NRG1: variants seen among roughly 807,000 people sequenced by gnomAD.
NRG1 encodes neuregulin 1, also known as pro-neuregulin-1, membrane-bound isoform.
Under a neutral mutation model 63.8 loss-of-function variants are expected in NRG1, and 18 were observed. The observed-to-expected ratio is 0.28, with a 90% CI of 0.19 to 0.42. NRG1 has a LOEUF of 0.42. Ranked by LOEUF, NRG1 falls within the 10% of genes least tolerant of loss-of-function variation. The pLI, the probability that NRG1 is intolerant of heterozygous loss-of-function variation, is 1.00. For missense variants in NRG1, 762 were observed against 814.7 expected, an observed-to-expected ratio of 0.94 and a Z score of 0.79; for synonymous variants, 302 against 301.3, an observed-to-expected ratio of 1.00 and a Z score of -0.02.
chr8:32,386,984 T>C (rs1811101619), intron 1 of NRG1, among the ~76,000 whole-genome samples: 1 of 152,126 alleles, frequency 6.6e-6, no homozygotes, highest in Non-Finnish European at 1.5e-5. Context: ...AAATTGCTAG[T>C]TCAAAATGTC....
chr8:32,645,703 C>G (rs944090701), intron 5 of NRG1, among the ~76,000 whole-genome samples: 4 of 152,148 alleles, frequency 2.6e-5, no homozygotes, highest in African/African-American at 9.7e-5. Context: ...GTTTTACAGA[C>G]TCCTATTGAC....
chr8:32,194,083 G>A (rs865885695), intron 1 of NRG1, among the ~76,000 whole-genome samples: 1 of 152,176 alleles, frequency 6.6e-6, no homozygotes, highest in South Asian at 2.1e-4. Context: ...CAACTCTTAT[G>A]TGCTCATCTA....
chr8:31,834,067 C>A (rs906875858), intron 1 of NRG1, among the ~76,000 whole-genome samples: 7 of 152,202 alleles, frequency 4.6e-5, no homozygotes, highest in African/African-American at 1.7e-4. Flanking sequence ...TAATAAATGC[C>A]ATGATATGAG....
chr8:31,983,708 G>A (rs528629151), intron 1 of NRG1, among the ~76,000 whole-genome samples: 2 of 152,102 alleles, frequency 1.3e-5, no homozygotes, highest in South Asian at 4.1e-4. Flanking sequence ...ACTGATGAGG[G>A]AAATAAACAG....
intron 1 of NRG1, among the ~76,000 whole-genome samples, chr8:31,863,132 C>T (rs1470098983): frequency 6.6e-6 from 1 of 152,178 alleles, no homozygotes; most frequent in Non-Finnish European, 1.5e-5. Context: ...TAAGCACATT[C>T]ACACCACTCA....
Position 32,059,354 on chromosome 8 carries a change from G to A in NRG1, c.37+419923G>A, listed in dbSNP as rs575546706. On this transcript the variant is annotated intron_variant, in intron 1 of 10. Transcript: ENST00000519301. ...ACTGGACTTACAACTCCTAGACATC[G>A]TGCTGCATCGCTAATGTCCTAAGTT... 1.8e-4 allele frequency among the ~76,000 whole-genome samples: 27 copies of A among 151,726 alleles called. 1 individual carries two copies. In the East Asian group the frequency reaches 2.7e-3, roughly 15 times the overall value.
At chr8:31,756,718 T>G (rs1472667434) in intron 1 of NRG1, among the ~76,000 whole-genome samples, 1 of 152,166 alleles carries the variant, frequency 6.6e-6, no homozygotes, top group Non-Finnish European at 1.5e-5. Flanking sequence ...ATCAAAAATG[T>G]TACTGCTTCA....
chr8:32,170,324 C>T (rs1004881509), intron 1 of NRG1, among the ~76,000 whole-genome samples: 21 of 152,176 alleles, frequency 1.4e-4, no homozygotes, highest in African/African-American at 4.3e-4. Flanking sequence ...CAACTTGAGG[C>T]AAGATGCGTA....
chr8:31,888,151 A>G (rs1830869149), intron 1 of NRG1, among the ~76,000 whole-genome samples: 1 of 151,944 alleles, frequency 6.6e-6, no homozygotes, highest in East Asian at 1.9e-4. Context: ...GTGTGTGTCT[A>G]TGTACAAAAA....
At chr8:32,485,585 A>G (rs1328792317) in intron 1 of NRG1, among the ~76,000 whole-genome samples, 1 of 152,238 alleles carries the variant, frequency 6.6e-6, no homozygotes, top group Non-Finnish European at 1.5e-5. Context: ...CAGACACTCA[A>G]GAAGGAAGGA....
rs529155824 is a variant in NRG1 at position 31,749,227 on chromosome 8, T to G, written c.37+109796T>G. Among the ~76,000 whole-genome samples the G allele has an allele frequency of 3.3e-5, 5 of 152,024 alleles. No homozygotes were observed. The East Asian group carries it at 9.7e-4, about 30-fold the overall frequency. On this transcript the variant is annotated intron_variant, in intron 1 of 10. Transcript: ENST00000519301. ...GAAAGAAAAAGCTCCAAATATTAAA[T>G]GTATACAGATTGGATATAAAGTGAT...
At chr8:32,729,249 C>T (rs1449352969) in intron 6 of NRG1, among the ~76,000 whole-genome samples, 1 of 151,946 alleles carries the variant, frequency 6.6e-6, no homozygotes, top group African/African-American at 2.4e-5. Context: ...GATATTTAGT[C>T]TACATATGGT....
chr8:31,895,640 C>T (rs1383887), intron 1 of NRG1, among the ~76,000 whole-genome samples: 78,442 of 151,814 alleles, frequency 0.52, 20,921 homozygotes, highest in East Asian at 0.75. Flanking sequence ...CTAGTTCTGC[C>T]TGTGCTATCA....
intron 1 of NRG1, among the ~76,000 whole-genome samples, chr8:32,427,439 G>C (rs1274699923): frequency 6.6e-6 from 1 of 152,128 alleles, no homozygotes; most frequent in African/African-American, 2.4e-5. Context: ...AACCTCTAAA[G>C]ATGTGACGGC....
At chr8:31,720,317 A>T (rs2131302414) in intron 1 of NRG1, among the ~76,000 whole-genome samples, 1 of 152,246 alleles carries the variant, frequency 6.6e-6, no homozygotes, top group Middle Eastern at 3.4e-3. Context: ...ACATTTTGCA[A>T]GCCTTTTTTT....
intron 1 of NRG1, among the ~76,000 whole-genome samples, chr8:31,801,469 C>T (rs905732139): frequency 2.4e-4 from 36 of 151,962 alleles, no homozygotes; most frequent in Middle Eastern, 3.2e-3. Flanking sequence ...TCTCATTTGT[C>T]GCTGTAACAT....
At chr8:31,855,333 T>C (rs1352521182) in intron 1 of NRG1, among the ~76,000 whole-genome samples, 3 of 152,222 alleles carry the variant, frequency 2.0e-5, no homozygotes, top group African/African-American at 7.2e-5. Context: ...TAGTTAGCTC[T>C]TCTTGTTGAA....
At chr8:31,733,360 G>A (rs907840852) in intron 1 of NRG1, among the ~76,000 whole-genome samples, 1 of 152,036 alleles carries the variant, frequency 6.6e-6, no homozygotes, top group Admixed American at 6.6e-5. Flanking sequence ...GGATCAAATG[G>A]TAGTTCTTTA....
intron 1 of NRG1, among the ~76,000 whole-genome samples, chr8:32,482,217 A>G (rs1008800052): frequency 1.3e-5 from 2 of 152,182 alleles, no homozygotes; most frequent in Admixed American, 6.5e-5. Context: ...GAAAAAAAAA[A>G]GAAAATTCCT....
Sources: gnomAD v4.1 joint callset for allele counts (sites outside exome capture counted in the v4.1 genomes callset) on GRCh38, gnomAD v4.1.1 for gene constraint, MANE v1.5 for transcripts, NCBI Gene and HGNC (gene_info 2026-07-23, HGNC 2026-07-21) for gene names.